RBM18: variants seen among roughly 807,000 people sequenced by gnomAD.
The protein encoded by RBM18 is probable RNA-binding protein 18.
A neutral mutation model predicts 26.4 loss-of-function variants in RBM18; 18 were observed. The observed-to-expected ratio is 0.68, with a 90% CI of 0.47 to 1.01. RBM18 has a LOEUF of 1.01. RBM18 is among the 50% of genes least tolerant of loss of function. RBM18 has a pLI of 0.00. For synonymous variants in RBM18, 74 were observed against 81.1 expected, an observed-to-expected ratio of 0.91 and a Z score of 0.47; for missense variants, 180 against 219.2, an observed-to-expected ratio of 0.82 and a Z score of 1.13.
rs1831426079 is a variant in RBM18, at chr9:122,241,843, G to T, written c.*41C>A. On this transcript the variant is annotated 3_prime_UTR_variant, in exon 6 of 6. Coordinates refer to ENST00000417201, the MANE Select transcript of RBM18 (RefSeq NM_033117.4). Reference sequence around the variant, plus strand: ...TACACAGGCAGACGATTTTAGGTGTGGAGACCAATTTGCTTTTGCTGCTAC... The same window carrying T: ...TACACAGGCAGACGATTTTAGGTGTTGAGACCAATTTGCTTTTGCTGCTAC... 6.3e-7 allele frequency: 1 copy of T among 1,596,808 alleles called. No individual in the cohort carries two copies. Among genetic ancestry groups the T allele is most frequent in the African/African-American group, 1.3e-5 (1 of 74,354 alleles).
intron 3 of RBM18, among the ~76,000 whole-genome samples, chr9:122,250,000 G>A (rs1364095443): frequency 6.8e-6 from 1 of 146,214 alleles, no homozygotes; most frequent in East Asian, 2.0e-4. Flanking sequence ...GAACCCAGAG[G>A]TCAAGGGTGC....
chr9:122,255,968 T>C (rs1831690094), intron 2 of RBM18, among the ~76,000 whole-genome samples: 2 of 151,714 alleles, frequency 1.3e-5, no homozygotes, highest in South Asian at 2.1e-4. Context: ...GAGGTGGAGG[T>C]TGCAGTGAGC....
Position 122,241,784 on chromosome 9 carries a change from G to A in RBM18, c.*100C>T, listed in dbSNP as rs1831424982. On this transcript the variant is annotated 3_prime_UTR_variant, in exon 6 of 6. Transcript: ENST00000417201. ...TTACCAAATGCTAACATGTGATTGT[G>A]CTCCGTTGAATAGTACCATTCACAT... 1 of 943,964 alleles carries A rather than the reference G, an allele frequency of 1.1e-6. No homozygotes were observed. The highest frequency in any genetic ancestry group is 1.6e-6 in the Non-Finnish European group (1 of 620,746). 58.5% of individuals were successfully genotyped at this position (943,964 alleles called of 1,614,324 possible). A position where few individuals can be genotyped will look rare whatever the true frequency, so the allele number is the denominator to read the frequency against.
At chr9:122,248,820 G>C (rs959093132) in intron 3 of RBM18, among the ~76,000 whole-genome samples, 2 of 152,188 alleles carry the variant, frequency 1.3e-5, no homozygotes, top group African/African-American at 4.8e-5. Context: ...CCAGGGAGCG[G>C]GAGAGGCTAT....
At chr9:122,257,877 G>A (rs1406546729) in intron 2 of RBM18, among the ~76,000 whole-genome samples, 1 of 152,158 alleles carries the variant, frequency 6.6e-6, no homozygotes, top group Non-Finnish European at 1.5e-5. Context: ...AGCAATTTGT[G>A]GATAGAAGGT....
At position 122,241,681 on chromosome 9, in the gene RBM18, C is replaced by T. The variant is rs142813776; in HGVS notation, c.*203G>A. On this transcript the variant is annotated 3_prime_UTR_variant, in exon 6 of 6. Transcript: ENST00000417201. Reference sequence around the variant, plus strand: ...TCAAATCACAATTTGGGATACAACGCTATTTATTCTGGATGATGCTCAATT... The same window carrying T: ...TCAAATCACAATTTGGGATACAACGTTATTTATTCTGGATGATGCTCAATT... The T allele has an allele frequency of 6.4e-3, 3,046 of 475,590 alleles. 22 individuals carry two copies. The highest frequency in any genetic ancestry group is 9.6e-3 in the Non-Finnish European group (2,605 of 271,822). 29.5% of individuals were successfully genotyped at this position (475,590 alleles called of 1,614,324 possible). A position where few individuals can be genotyped will look rare whatever the true frequency, so the allele number is the denominator to read the frequency against.
chr9:122,255,646 C>T (rs1465072897), intron 2 of RBM18, among the ~76,000 whole-genome samples: 1 of 152,198 alleles, frequency 6.6e-6, no homozygotes, highest in East Asian at 1.9e-4. Context: ...CTTTCCTCAT[C>T]TCTCAGACTC....
chr9:122,253,422 G>A (rs1358660882), intron 2 of RBM18, among the ~76,000 whole-genome samples: 3 of 152,060 alleles, frequency 2.0e-5, no homozygotes, highest in African/African-American at 7.2e-5. Flanking sequence ...ATTTTGAAAG[G>A]TAAAACCACC....
intron 2 of RBM18, among the ~76,000 whole-genome samples, chr9:122,258,061 ATAG>A (rs2118972728): frequency 6.6e-6 from 1 of 152,342 alleles, no homozygotes; most frequent in African/African-American, 2.4e-5. Flanking sequence ...ACTGCATTTT[ATAG>A]TTCATCCAGG....
intron 1 of RBM18, among the ~76,000 whole-genome samples, chr9:122,261,984 T>G (rs1326869291): frequency 1.3e-5 from 2 of 152,136 alleles, no homozygotes; most frequent in Non-Finnish European, 2.9e-5. Flanking sequence ...AGAGGCAATA[T>G]AAGAAATCTG....
chr9:122,261,595 A>C (rs1831797252), intron 1 of RBM18, 87 bp from the exon 2 acceptor site: 2 of 903,010 alleles, frequency 2.2e-6, no homozygotes, highest in Admixed American at 2.0e-5. Context: ...ACATTTATTC[A>C]AGGAGGGCAT....
chr9:122,259,411 G>T (rs1320272554), intron 2 of RBM18, among the ~76,000 whole-genome samples: 2 of 152,078 alleles, frequency 1.3e-5, no homozygotes, highest in African/African-American at 4.8e-5. Flanking sequence ...TGAGAGGTTG[G>T]ACAGATTCAT....
intron 3 of RBM18, among the ~76,000 whole-genome samples, chr9:122,247,906 T>A (rs1831531692): frequency 6.7e-6 from 1 of 149,284 alleles, no homozygotes; most frequent in African/African-American, 2.5e-5. Context: ...TGCCTCAGCC[T>A]CCCGAATAGC....
chr9:122,245,288 G>C lies in RBM18; in HGVS notation c.381C>G (p.Ser127=). Residue 127 remains serine (S), a synonymous_variant, in exon 5 of 6, where the codon TCC becomes TCG. Coordinates refer to ENST00000417201, the MANE Select transcript of RBM18 (RefSeq NM_033117.4). ...TAGACTGAGTAGGCTCAGTGCTTGA[G>C]GATGGCTCGAGACTGATTGGAAGAA... The part of the protein sequence containing the change: ...DKILPISLEP[S]SSTEPTQSNL... 1.2e-6 allele frequency: 2 copies of C among 1,610,072 alleles called. No homozygotes were observed. Among genetic ancestry groups the C allele is most frequent in the Non-Finnish European group, 1.7e-6 (2 of 1,176,342 alleles).
intron 5 of RBM18, among the ~76,000 whole-genome samples, chr9:122,242,443 T>C (rs1280621730): frequency 6.6e-6 from 1 of 152,236 alleles, no homozygotes; most frequent in Non-Finnish European, 1.5e-5. Flanking sequence ...ACAGAAAGGT[T>C]CATTTGCCCA....
At position 122,238,279 on chromosome 9, in the gene RBM18, A is replaced by G. The variant is rs1318083610; in HGVS notation, c.*3605T>C. 1 of 152,274 alleles carries G rather than the reference A, an allele frequency of 6.6e-6. No individual in the cohort carries two copies. The highest frequency in any genetic ancestry group is 2.4e-5 in the African/African-American group (1 of 41,474). The allele number at this position is 152,274 out of a possible 1,614,324, so 9.4% of individuals were successfully genotyped here. ...TTTAAATGCTGAGGGTATAGCAGTG[A>G]TATACAGTTCCTGCTTACATGAAAC... On this transcript the variant is annotated 3_prime_UTR_variant, in exon 6 of 6. Coordinates refer to ENST00000417201, the MANE Select transcript of RBM18 (RefSeq NM_033117.4).
chr9:122,262,807 A>G (rs1395978143), intron 1 of RBM18, among the ~76,000 whole-genome samples: 2 of 151,654 alleles, frequency 1.3e-5, no homozygotes, highest in Non-Finnish European at 2.9e-5. Context: ...CTGGTCTCCA[A>G]CTCCTGACCC....
chr9:122,262,358 T>C (rs1296491668), intron 1 of RBM18, among the ~76,000 whole-genome samples: 1 of 152,228 alleles, frequency 6.6e-6, no homozygotes, highest in African/African-American at 2.4e-5. Context: ...GAAATTACAG[T>C]GCAGATTCAC....
intron 2 of RBM18, among the ~76,000 whole-genome samples, chr9:122,255,338 A>C (rs2118968597): frequency 1.3e-5 from 2 of 152,338 alleles, no homozygotes; most frequent in Admixed American, 1.3e-4. Context: ...GTATGGACTG[A>C]GAGAGAAACA....
Sources: gnomAD v4.1 joint callset for allele counts (sites outside exome capture counted in the v4.1 genomes callset) on GRCh38, gnomAD v4.1.1 for gene constraint, MANE v1.5 for transcripts, NCBI Gene and HGNC (gene_info 2026-07-23, HGNC 2026-07-21) for gene names.